PM20D2: variants seen among roughly 807,000 people sequenced by gnomAD.
PM20D2 encodes the protein peptidase M20 domain containing 2.
In PM20D2, 33 loss-of-function variants were observed where a neutral mutation model predicts 42.9. The observed-to-expected ratio is 0.77, with a 90% CI of 0.58 to 1.03. The LOEUF (loss-of-function observed/expected upper bound fraction) is 1.03, where lower values mean the gene tolerates loss of function less well. Ranked by LOEUF, PM20D2 falls within the 50% of genes least tolerant of loss-of-function variation. The pLI, the probability that PM20D2 is intolerant of heterozygous loss-of-function variation, is 0.00. For missense variants in PM20D2, 548 were observed against 557.0 expected, an observed-to-expected ratio of 0.98 and a Z score of 0.16; for synonymous variants, 250 against 228.2, an observed-to-expected ratio of 1.10 and a Z score of -0.86.
chr6:89,155,398 C>T (rs1771009800), intron 4 of PM20D2, among the ~76,000 whole-genome samples: 1 of 151,166 alleles, frequency 6.6e-6, no homozygotes, highest in Admixed American at 6.6e-5. Flanking sequence ...CCTCTGCCTC[C>T]CACCTCAGCC....
At chr6:89,138,709 A>G in the PM20D2 span, among the ~76,000 whole-genome samples, 1 of 152,088 alleles carries the variant, frequency 6.6e-6, no homozygotes, top group Non-Finnish European at 1.5e-5. Context: ...TACTAAAAAT[A>G]CAAAAATTAG....
the PM20D2 span, among the ~76,000 whole-genome samples, chr6:89,099,233 A>C: frequency 2.0e-5 from 3 of 151,880 alleles, no homozygotes; most frequent in Admixed American, 6.6e-5. Context: ...TACAGCTCTT[A>C]AGAGGTACAA....
chr6:89,131,668 T>G, the PM20D2 span, among the ~76,000 whole-genome samples: 2 of 152,154 alleles, frequency 1.3e-5, no homozygotes, highest in African/African-American at 4.8e-5. Flanking sequence ...GGTGGAGGCA[T>G]GGTTACTTGG....
rs1771326115 is a variant in PM20D2 at position 89,163,846 on chromosome 6, C to G, written c.*1583C>G. 1 of 151,802 alleles carries G rather than the reference C, an allele frequency of 6.6e-6. No individual in the cohort carries two copies. The highest frequency in any genetic ancestry group is 6.6e-5 in the Admixed American group (1 of 15,238). The allele number at this position is 151,802 out of a possible 1,614,324, so 9.4% of individuals were successfully genotyped here. A position where few individuals can be genotyped will look rare whatever the true frequency, so the allele number is the denominator to read the frequency against. ...GTACTGAAACCTTTTTCTCAAATAC[C>G]AACTCTTGGCTATGTTAAATTTGTA... On this transcript the variant is annotated 3_prime_UTR_variant, in exon 7 of 7. Coordinates refer to ENST00000275072, the MANE Select transcript of PM20D2 (RefSeq NM_001010853.3).
At chr6:89,128,823 T>C in the PM20D2 span, among the ~76,000 whole-genome samples, 3 of 152,308 alleles carry the variant, frequency 2.0e-5, no homozygotes, top group Non-Finnish European at 4.4e-5. Context: ...AGAACCTATG[T>C]TGAAATATTG....
At chr6:89,114,865 C>T in the PM20D2 span, among the ~76,000 whole-genome samples, 429 of 151,660 alleles carry the variant, frequency 2.8e-3, 1 homozygote, top group Non-Finnish European at 4.4e-3. Context: ...GGTACTATCT[C>T]GGCTCACTGC....
At chr6:89,104,874 G>A in the PM20D2 span, among the ~76,000 whole-genome samples, 5 of 151,980 alleles carry the variant, frequency 3.3e-5, no homozygotes, top group Admixed American at 1.3e-4. Context: ...GCAACATAGC[G>A]AGACCTCCAA....
chr6:89,140,810 T>A, the PM20D2 span, among the ~76,000 whole-genome samples: 2 of 152,194 alleles, frequency 1.3e-5, no homozygotes, highest in African/African-American at 4.8e-5. Flanking sequence ...GGTCATCAGG[T>A]ACCAGGACAT....
the PM20D2 span, among the ~76,000 whole-genome samples, chr6:89,103,567 G>A: frequency 6.6e-6 from 1 of 151,992 alleles, no homozygotes; most frequent in Admixed American, 6.6e-5. Flanking sequence ...GACCTCAGGT[G>A]ATCCGCCCCC....
chr6:89,099,452 G>T, the PM20D2 span, among the ~76,000 whole-genome samples: 125 of 139,892 alleles, frequency 8.9e-4, 5 homozygotes, highest in African/African-American at 3.3e-3. Flanking sequence ...ACATATATAT[G>T]TGTGTATATA....
chr6:89,099,456 G>GTATATATACACACA, the PM20D2 span, among the ~76,000 whole-genome samples: 17 of 141,340 alleles, frequency 1.2e-4, 1 homozygote, highest in African/African-American at 4.5e-4. Flanking sequence ...ATATATGTGT[G>GTATATATACACACA]TATATATGTG....
intron 1 of PM20D2, among the ~76,000 whole-genome samples, chr6:89,147,021 T>G (rs1770603697): frequency 6.6e-6 from 1 of 152,198 alleles, no homozygotes; most frequent in South Asian, 2.1e-4. Context: ...CTACGGCCCC[T>G]TTTTATTCGT....
At chr6:89,133,696 G>GTCCTTCTCTTCT in the PM20D2 span, among the ~76,000 whole-genome samples, 5 of 151,186 alleles carry the variant, frequency 3.3e-5, no homozygotes, top group South Asian at 1.0e-3. Flanking sequence ...CACACTCTTT[G>GTCCTTCTCTTCT]TCCTTCTCTT....
the PM20D2 span, among the ~76,000 whole-genome samples, chr6:89,110,773 T>G: frequency 2.0e-5 from 3 of 152,164 alleles, no homozygotes; most frequent in East Asian, 3.9e-4. Flanking sequence ...TCACTACATG[T>G]TCTTCAGAGT....
rs771710487 is a variant in PM20D2 at position 89,149,317 on chromosome 6, T to G, written c.518T>G (p.Leu173Ter). ...GAAGATGGTGGTGGCAAAATTGATT[T>G]AATTGAAGCAGGGGCTTTTACAAAT... ...AEEDGGGKIDLIEAGAFTNLD... is the reference protein window; with the variant it reads ...AEEDGGGKID The change falls in exon 2 of 7, where the codon TTA (leucine) becomes TGA (stop). Residue 173 changes from leucine to a stop codon, truncating the protein, a stop_gained. Transcript: ENST00000275072. LOFTEE classifies it high-confidence loss of function. 24 of 1,613,988 alleles carry G rather than the reference T, an allele frequency of 1.5e-5. No homozygotes were observed. The Admixed American group carries it at 2.2e-4, about 15-fold the overall frequency.
chr6:89,118,048 G>A, the PM20D2 span: 3 of 487,864 alleles, frequency 6.1e-6, no homozygotes, highest in African/African-American at 4.5e-5. Context: ...CCGGCGCAGA[G>A]GGGGCGCAGC....
the PM20D2 span, among the ~76,000 whole-genome samples, chr6:89,125,750 T>C: frequency 6.8e-6 from 1 of 147,214 alleles, no homozygotes; most frequent in Non-Finnish European, 1.5e-5. Flanking sequence ...ACCATTGCAC[T>C]CTAGCCTGGG....
Position 89,162,771 on chromosome 6 carries a change from C to CT in PM20D2, c.*508_*509insT, listed in dbSNP as rs1771288760. On this transcript the variant is annotated 3_prime_UTR_variant, in exon 7 of 7. Coordinates refer to ENST00000275072, the MANE Select transcript of PM20D2 (RefSeq NM_001010853.3). ...TTGTATATTTGAAGCCAGTGTCTTT[C>CT]CTTTTTTTGTTTTAAGATAGAGCCT... 1.3e-5 allele frequency: 2 copies of CT among 150,804 alleles called. No homozygotes were observed. The highest frequency in any genetic ancestry group is 6.6e-5 in the Admixed American group (1 of 15,068). The allele number at this position is 150,804 out of a possible 1,614,324, so 9.3% of individuals were successfully genotyped here. A position where few individuals can be genotyped will look rare whatever the true frequency, so the allele number is the denominator to read the frequency against.
At chr6:89,156,296 C>T (rs898655156) in intron 4 of PM20D2, among the ~76,000 whole-genome samples, 8 of 152,248 alleles carry the variant, frequency 5.3e-5, no homozygotes, top group African/African-American at 1.9e-4. Flanking sequence ...AGCCTGTAGT[C>T]TAGTTGGAGA....
Sources: gnomAD v4.1 joint callset for allele counts (sites outside exome capture counted in the v4.1 genomes callset) on GRCh38, gnomAD v4.1.1 for gene constraint, MANE v1.5 for transcripts, NCBI Gene and HGNC (gene_info 2026-07-23, HGNC 2026-07-21) for gene names.